ZFPM2: variants seen among roughly 807,000 people sequenced by gnomAD.
ZFPM2 encodes zinc finger protein ZFPM2.
A neutral mutation model predicts 98.6 loss-of-function variants in ZFPM2; 20 were observed. That is an observed-to-expected ratio of 0.20 (90% CI 0.14 to 0.29). The LOEUF (loss-of-function observed/expected upper bound fraction) is 0.29, where lower values mean the gene tolerates loss of function less well. ZFPM2 is among the 10% of genes least tolerant of loss of function. The pLI is 1.00. For synonymous variants in ZFPM2, 518 were observed against 502.7 expected, an observed-to-expected ratio of 1.03 and a Z score of -0.41; for missense variants, 1,310 against 1,388.6, an observed-to-expected ratio of 0.94 and a Z score of 0.90.
At chr8:105,457,894 G>A (rs1812622902) in intron 3 of ZFPM2, among the ~76,000 whole-genome samples, 1 of 152,146 alleles carries the variant, frequency 6.6e-6, no homozygotes, top group Non-Finnish European at 1.5e-5. Context: ...GCAGAGAAGG[G>A]ACTCCAGATT....
chr8:105,743,750 A>T (rs1812279383), intron 5 of ZFPM2, among the ~76,000 whole-genome samples: 1 of 152,026 alleles, frequency 6.6e-6, no homozygotes, highest in Admixed American at 6.6e-5. Flanking sequence ...CTCTTCCTTT[A>T]AGTTAGTTTT....
chr8:105,620,000 A>C (rs1448388966), intron 4 of ZFPM2, among the ~76,000 whole-genome samples: 1 of 152,170 alleles, frequency 6.6e-6, no homozygotes, highest in Admixed American at 6.5e-5. Context: ...ATACGTGTGC[A>C]TGTGTCTTTA....
intron 1 of ZFPM2, among the ~76,000 whole-genome samples, chr8:105,344,136 G>T (rs1812477018): frequency 6.6e-6 from 1 of 152,090 alleles, no homozygotes; most frequent in African/African-American, 2.4e-5. Context: ...CCGCCCCCAT[G>T]ATCCAATTAC....
chr8:105,479,406 T>A (rs1355155396), intron 3 of ZFPM2, among the ~76,000 whole-genome samples: 3 of 152,196 alleles, frequency 2.0e-5, no homozygotes, highest in Non-Finnish European at 4.4e-5. Flanking sequence ...TAACTTTTTT[T>A]AAAAAGTCAT....
At chr8:105,792,181 T>TAAA (rs1813635546) in intron 6 of ZFPM2, among the ~76,000 whole-genome samples, 1 of 152,218 alleles carries the variant, frequency 6.6e-6, no homozygotes, top group Non-Finnish European at 1.5e-5. Flanking sequence ...ATTGTGATGT[T>TAAA]AGAGTGTCAA....
intron 3 of ZFPM2, among the ~76,000 whole-genome samples, chr8:105,557,325 G>C (rs1815021082): frequency 6.6e-6 from 1 of 152,110 alleles, no homozygotes; most frequent in African/African-American, 2.4e-5. Context: ...TTCTAGTTAA[G>C]ACCTTGCTTC....
At chr8:105,546,343 G>GA (rs1191480237) in intron 3 of ZFPM2, among the ~76,000 whole-genome samples, 1 of 152,084 alleles carries the variant, frequency 6.6e-6, no homozygotes, top group Admixed American at 6.6e-5. Flanking sequence ...TTGGGAGGCT[G>GA]AGGCGGGTGG....
chr8:105,551,968 C>G (rs997009924), intron 3 of ZFPM2, among the ~76,000 whole-genome samples: 4 of 150,632 alleles, frequency 2.7e-5, no homozygotes, highest in Non-Finnish European at 4.4e-5. Context: ...AGTGAATTAT[C>G]TTCTTCTAAA....
At chr8:105,423,976 T>A (rs760350030) in intron 2 of ZFPM2, among the ~76,000 whole-genome samples, 4 of 152,120 alleles carry the variant, frequency 2.6e-5, no homozygotes, top group Non-Finnish European at 4.4e-5. Context: ...GCTAGTAGAA[T>A]GTAATGCTAT....
chr8:105,605,772 G>A (rs2343299), intron 4 of ZFPM2, among the ~76,000 whole-genome samples: 16,370 of 152,042 alleles, frequency 0.11, 1,064 homozygotes, highest in South Asian at 0.21. Context: ...ATATCTAGCT[G>A]TATGCAATGC....
chr8:105,731,998 G>T (rs1210608086), intron 5 of ZFPM2, among the ~76,000 whole-genome samples: 1 of 151,706 alleles, frequency 6.6e-6, no homozygotes, highest in Non-Finnish European at 1.5e-5. Flanking sequence ...TATACTAAAT[G>T]AACTTTATGG....
At chr8:105,766,014 A>G (rs1232730423) in intron 5 of ZFPM2, among the ~76,000 whole-genome samples, 2 of 151,946 alleles carry the variant, frequency 1.3e-5, no homozygotes, top group Non-Finnish European at 2.9e-5. Context: ...GAAAACAGTC[A>G]GTGATTTAAA....
intron 3 of ZFPM2, among the ~76,000 whole-genome samples, chr8:105,483,237 C>G (rs1813159872): frequency 3.3e-5 from 5 of 151,932 alleles, no homozygotes. Flanking sequence ...CCCTTTTGGT[C>G]TAAACAAAAA....
chr8:105,510,524 A>G (rs1390447675), intron 3 of ZFPM2, among the ~76,000 whole-genome samples: 1 of 152,008 alleles, frequency 6.6e-6, no homozygotes, highest in Non-Finnish European at 1.5e-5. Context: ...AAAGTGACTG[A>G]TTATGGTTAA....
rs1468078879 is a variant in ZFPM2, at chr8:105,416,650, T to C, written c.41-2494T>C. 3.3e-5 allele frequency among the ~76,000 whole-genome samples: 5 copies of C among 151,882 alleles called. No individual in the cohort carries two copies. The East Asian group carries it at 9.6e-4, about 29-fold the overall frequency. ...AAAGAAGTATATATTGTAATTTCTG[T>C]TATAACTGCTATTAAAAGCTACTTT... On this transcript the variant is annotated intron_variant, in intron 1 of 7. Coordinates refer to ENST00000407775, the MANE Select transcript of ZFPM2 (RefSeq NM_012082.4).
At chr8:105,782,035 C>G (rs1813266482) in intron 5 of ZFPM2, among the ~76,000 whole-genome samples, 1 of 152,108 alleles carries the variant, frequency 6.6e-6, no homozygotes, top group Non-Finnish European at 1.5e-5. Context: ...CCTCCAGTTC[C>G]CCTCTAGCTG....
rs185528923 is a variant in ZFPM2, at chr8:105,774,826, G to T, written c.533-13892G>T. ...AGGGGCAGAATTTCTTCTAAGAAAA[G>T]AATTTCTGGCTGTTTGAACTTACTG... On this transcript the variant is annotated intron_variant, in intron 5 of 7. Transcript: ENST00000407775. 4.3e-3 allele frequency among the ~76,000 whole-genome samples: 653 copies of T among 152,188 alleles called. 2 individuals carry two copies. The highest frequency in any genetic ancestry group is 0.013 in the South Asian group (63 of 4,826).
intron 5 of ZFPM2, among the ~76,000 whole-genome samples, chr8:105,641,422 T>G (rs1425050102): frequency 2.0e-5 from 3 of 152,094 alleles, no homozygotes; most frequent in Non-Finnish European, 4.4e-5. Context: ...GAGCAATTTA[T>G]TATTCCTTTC....
At chr8:105,334,202 C>A (rs1343043779) in intron 1 of ZFPM2, among the ~76,000 whole-genome samples, 1 of 146,034 alleles carries the variant, frequency 6.8e-6, no homozygotes, top group Non-Finnish European at 1.5e-5. Context: ...GGTAATATTG[C>A]CATTATAATT....
Sources: allele counts gnomAD v4.1 joint callset (sites outside exome capture counted in the v4.1 genomes callset), GRCh38; gene constraint gnomAD v4.1.1; transcripts MANE v1.5; gene names NCBI Gene and HGNC (gene_info 2026-07-23, HGNC 2026-07-21).